Variants in ELMOD1 observed in about 807,000 individuals in gnomAD.
ELMOD1 encodes the protein ELMO domain-containing protein 1.
In ELMOD1, 21 loss-of-function variants were observed where a neutral mutation model predicts 46.7. That is an observed-to-expected ratio of 0.45 (90% CI 0.32 to 0.65). The LOEUF is 0.65. Among genes scored for constraint, ELMOD1 ranks in the 30% least tolerant of loss-of-function variants. ELMOD1 has a pLI of 0.04. For synonymous variants in ELMOD1, 122 were observed against 138.2 expected (o/e 0.88, Z 0.82); for missense variants, 348 against 407.8 (o/e 0.85, Z 1.26).
chr11:107,613,492 C>A (rs1466753429), intron 1 of ELMOD1, among the ~76,000 whole-genome samples: 5 of 152,132 alleles, frequency 3.3e-5, no homozygotes, highest in African/African-American at 1.2e-4. Flanking sequence ...AATAGGAAGG[C>A]TCTTTTACTG....
intron 1 of ELMOD1, among the ~76,000 whole-genome samples, chr11:107,606,879 C>T (rs1377285591): frequency 1.3e-5 from 2 of 151,536 alleles, no homozygotes; most frequent in Non-Finnish European, 2.9e-5. Flanking sequence ...TCTACTTTTT[C>T]AGTTGCCTTT....
chr11:107,608,997 G>A (rs955601318), intron 1 of ELMOD1, among the ~76,000 whole-genome samples: 1 of 152,160 alleles, frequency 6.6e-6, no homozygotes, highest in Non-Finnish European at 1.5e-5. Context: ...CAAGCTGAAA[G>A]GGTTTGAATC....
At chr11:107,610,000 T>TA (rs1358221148) in intron 1 of ELMOD1, among the ~76,000 whole-genome samples, 7 of 152,282 alleles carry the variant, frequency 4.6e-5, no homozygotes, top group African/African-American at 1.7e-4. Context: ...GTAATGCTGG[T>TA]AAAAAAGTAC....
intron 4 of ELMOD1, among the ~76,000 whole-genome samples, 156 bp from the exon 5 acceptor site, chr11:107,631,424 A>G (rs1190136263): frequency 7.1e-6 from 1 of 141,722 alleles, no homozygotes; most frequent in Non-Finnish European, 1.5e-5. Flanking sequence ...GAAAATGTCA[A>G]ATTTATTAGA....
chr11:107,648,445 A>G (rs1467578538), intron 7 of ELMOD1, among the ~76,000 whole-genome samples: 1 of 152,232 alleles, frequency 6.6e-6, no homozygotes, highest in Non-Finnish European at 1.5e-5. Flanking sequence ...GGAGGCCTTC[A>G]GTGTCCCTCC....
At chr11:107,637,167 T>G (rs973699487) in intron 6 of ELMOD1, among the ~76,000 whole-genome samples, 26 of 152,264 alleles carry the variant, frequency 1.7e-4, no homozygotes, top group African/African-American at 6.3e-4. Flanking sequence ...ATGATTAGAT[T>G]ATCTGTTATC....
intron 1 of ELMOD1, among the ~76,000 whole-genome samples, chr11:107,599,547 G>C (rs919415435): frequency 6.6e-6 from 1 of 151,832 alleles, no homozygotes; most frequent in Non-Finnish European, 1.5e-5. Flanking sequence ...TTCAAGACCT[G>C]CCTGGCCAAC....
At chr11:107,627,075 A>G (rs1389927505) in intron 2 of ELMOD1, among the ~76,000 whole-genome samples, 2 of 152,202 alleles carry the variant, frequency 1.3e-5, no homozygotes, top group Non-Finnish European at 2.9e-5. Flanking sequence ...ACCTGTCAAA[A>G]CATAATTTGA....
chr11:107,642,644 T>C (rs1866346731), intron 6 of ELMOD1, among the ~76,000 whole-genome samples: 1 of 152,108 alleles, frequency 6.6e-6, no homozygotes, highest in African/African-American at 2.4e-5. Flanking sequence ...AGATTACAGG[T>C]GTGAGCCACC....
chr11:107,665,974 TAAA>T lies in ELMOD1; in HGVS notation c.*778_*780del, dbSNP rs1866837535. On this transcript the variant is annotated 3_prime_UTR_variant, in exon 12 of 12. Transcript: ENST00000265840. ...AGACTCCATCTCAAAAATAAATAAATAAATAAATAAATAAATAAATAAATAAAT... is the reference window on the plus strand; with the variant it reads ...AGACTCCATCTCAAAAATAAATAAATTAAATAAATAAATAAATAAATAAAT... 1 of 68,700 alleles carries T rather than the reference TAAA, an allele frequency of 1.5e-5. No individual in the cohort carries two copies. The highest frequency in any genetic ancestry group is 1.4e-4 in the Admixed American group (1 of 6,966). 4.3% of individuals were successfully genotyped at this position (68,700 alleles called of 1,614,324 possible).
intron 6 of ELMOD1, among the ~76,000 whole-genome samples, chr11:107,639,360 T>C (rs577058427): frequency 2.6e-5 from 4 of 152,242 alleles, no homozygotes; most frequent in Non-Finnish European, 5.9e-5. Context: ...TGGGATGAAA[T>C]TGAATAATAT....
At chr11:107,640,398 T>C (rs1274352908) in intron 6 of ELMOD1, among the ~76,000 whole-genome samples, 1 of 152,198 alleles carries the variant, frequency 6.6e-6, no homozygotes, top group Non-Finnish European at 1.5e-5. Flanking sequence ...TCAACATTCA[T>C]TTCACTGTGG....
chr11:107,626,985 T>G (rs1397438026), intron 2 of ELMOD1, among the ~76,000 whole-genome samples: 1 of 152,158 alleles, frequency 6.6e-6, no homozygotes, highest in African/African-American at 2.4e-5. Context: ...GTTTCCAAAG[T>G]AAGGGATCAC....
chr11:107,631,412 G>A (rs1023177185), intron 4 of ELMOD1, among the ~76,000 whole-genome samples, 168 bp from the exon 5 acceptor site: 7 of 126,786 alleles, frequency 5.5e-5, no homozygotes, highest in Admixed American at 8.8e-5. Context: ...CCCCCCCATC[G>A]TGAAAATGTC....
chr11:107,630,163 A>G (rs1316028991), intron 2 of ELMOD1, among the ~76,000 whole-genome samples: 1 of 152,234 alleles, frequency 6.6e-6, no homozygotes, highest in Non-Finnish European at 1.5e-5. Flanking sequence ...AGGGAAAAGA[A>G]AAGATTCTAA....
At chr11:107,646,229 T>C (rs1001810520) in intron 6 of ELMOD1, among the ~76,000 whole-genome samples, 19 of 152,156 alleles carry the variant, frequency 1.2e-4, no homozygotes, top group African/African-American at 4.6e-4. Context: ...AACTAAAAAA[T>C]AGAACCAGCT....
intron 2 of ELMOD1, among the ~76,000 whole-genome samples, chr11:107,624,186 G>A (rs1187319771): frequency 1.3e-5 from 2 of 151,904 alleles, no homozygotes; most frequent in East Asian, 1.9e-4. Flanking sequence ...TACTTAATTT[G>A]GGTTGCCTTA....
chr11:107,618,065 T>G, intron 1 of ELMOD1, 40 bp from the exon 2 acceptor site: 4 of 1,147,946 alleles, frequency 3.5e-6, no homozygotes, highest in Non-Finnish European at 5.1e-6. Flanking sequence ...GCTTCCAGCC[T>G]TATTAGTAAA....
intron 1 of ELMOD1, among the ~76,000 whole-genome samples, chr11:107,595,383 A>C (rs182880544): frequency 6.6e-5 from 10 of 152,318 alleles, no homozygotes; most frequent in African/African-American, 9.6e-5. Context: ...TCCTGTTTGC[A>C]ATGTTTGCCA....
Sources: allele counts gnomAD v4.1 joint callset (sites outside exome capture counted in the v4.1 genomes callset), GRCh38; gene constraint gnomAD v4.1.1; transcripts MANE v1.5; gene names NCBI Gene and HGNC (gene_info 2026-07-23, HGNC 2026-07-21).